PPHLN1: variants seen among roughly 807,000 people sequenced by gnomAD.
The protein encoded by PPHLN1 is periphilin-1.
In PPHLN1, 29 loss-of-function variants were observed where a neutral mutation model predicts 51.3. The ratio of observed to expected loss-of-function variants is 0.57; its 90% CI spans 0.42 to 0.77. PPHLN1 has a LOEUF of 0.77. Ranked by LOEUF, PPHLN1 falls within the 30% of genes least tolerant of loss-of-function variation. PPHLN1 has a pLI of 0.00. For synonymous variants in PPHLN1, 147 were observed against 147.8 expected (o/e 0.99, Z 0.04); for missense variants, 436 against 438.4 (o/e 0.99, Z 0.05).
rs759513886 is a variant in PPHLN1 at position 42,384,998 on chromosome 12, T to C, written c.568+2T>C. 1.9e-6 allele frequency: 3 copies of C among 1,604,038 alleles called. No individual in the cohort carries two copies. Among genetic ancestry groups the C allele is most frequent in the Non-Finnish European group, 2.6e-6 (3 of 1,170,926 alleles). ...AGAATGAAGGAAATCCTGAAAGAGG[T>C]GAGTTTTGAGCTAGACTCTGATTTG... On this transcript the variant is annotated splice_donor_variant, in intron 6 of 9. Transcript: ENST00000358314. LOFTEE classifies it high-confidence loss of function.
Position 42,426,211 on chromosome 12 carries a change from CACACACACACACACACA to C in PPHLN1, c.910-15103_910-15087del, listed in dbSNP as rs1566010221. On this transcript the variant is annotated intron_variant, in intron 9 of 9. Transcript: ENST00000358314. ...ACACACACACACACACACACACACA[CACACACACACACACACA>C]CCCTCATGCATTGTCTCATGGCAGT... Among the ~76,000 whole-genome samples, 104 of 144,888 alleles carry C rather than the reference CACACACACACACACACA, an allele frequency of 7.2e-4. 1 individual carries two copies. The highest frequency in any genetic ancestry group is 2.2e-3 in the African/African-American group (77 of 35,470).
At chr12:42,444,770 T>C, downstream of PPHLN1, 1 of 401,578 alleles carries the variant, frequency 2.5e-6, no homozygotes, top group Admixed American at 4.2e-5. Flanking sequence ...CCCTTCCTGC[T>C]GACAAACTAC....
intron 7 of PPHLN1, among the ~76,000 whole-genome samples, chr12:42,388,295 A>G (rs969059700): frequency 2.0e-5 from 3 of 152,150 alleles, no homozygotes; most frequent in Non-Finnish European, 4.4e-5. Flanking sequence ...AAACCACCCT[A>G]TGGCAGGAGG....
intron 4 of PPHLN1, among the ~76,000 whole-genome samples, chr12:42,371,943 C>T (rs892321493): frequency 3.9e-5 from 6 of 152,092 alleles, no homozygotes; most frequent in Non-Finnish European, 8.8e-5. Flanking sequence ...TCTCATCTTT[C>T]CTTAAGACCT....
chr12:42,378,044 G>A (rs1036617426), intron 5 of PPHLN1, among the ~76,000 whole-genome samples: 1 of 152,112 alleles, frequency 6.6e-6, no homozygotes, highest in Non-Finnish European at 1.5e-5. Context: ...ATGAAACAGA[G>A]CATATGACTT....
intron 4 of PPHLN1, among the ~76,000 whole-genome samples, chr12:42,374,218 G>A (rs772375756): frequency 5.9e-5 from 9 of 152,142 alleles, no homozygotes; most frequent in Non-Finnish European, 7.4e-5. Flanking sequence ...GCTGTGTGGT[G>A]TATTGTTAAT....
chr12:42,414,684 T>C (rs2080210709), intron 9 of PPHLN1, among the ~76,000 whole-genome samples: 1 of 152,058 alleles, frequency 6.6e-6, no homozygotes, highest in South Asian at 2.1e-4. Context: ...TTTGGAGGAG[T>C]CTTCAACGTT....
At chr12:42,365,012 A>G (rs1243659459) in intron 4 of PPHLN1, among the ~76,000 whole-genome samples, 1 of 152,196 alleles carries the variant, frequency 6.6e-6, no homozygotes, top group Admixed American at 6.5e-5. Flanking sequence ...AATGCTTTTA[A>G]CTGTAAACAT....
chr12:42,369,878 C>T (rs2138657138), intron 4 of PPHLN1, among the ~76,000 whole-genome samples: 1 of 152,300 alleles, frequency 6.6e-6, no homozygotes, highest in Middle Eastern at 3.4e-3. Flanking sequence ...TCCAGGAGAC[C>T]ATTCCTTCTT....
At chr12:42,379,352 T>C (rs1034777278) in intron 5 of PPHLN1, among the ~76,000 whole-genome samples, 17 of 152,038 alleles carry the variant, frequency 1.1e-4, no homozygotes. Flanking sequence ...ATCTACTTAA[T>C]ACTAGTTATT....
intron 4 of PPHLN1, among the ~76,000 whole-genome samples, chr12:42,356,332 G>A (rs576792811): frequency 1.2e-4 from 19 of 152,284 alleles, no homozygotes; most frequent in African/African-American, 3.6e-4. Flanking sequence ...ATCCCACAGG[G>A]CGATGTGATA....
intron 9 of PPHLN1, among the ~76,000 whole-genome samples, chr12:42,413,736 A>G (rs1357653612): frequency 1.3e-5 from 2 of 151,776 alleles, no homozygotes; most frequent in Non-Finnish European, 2.9e-5. Flanking sequence ...TAATTTTTGT[A>G]TTTTTAATAG....
intron 1 of PPHLN1, among the ~76,000 whole-genome samples, chr12:42,330,953 C>T (rs1309228749): frequency 6.6e-6 from 1 of 152,186 alleles, no homozygotes; most frequent in African/African-American, 2.4e-5. Flanking sequence ...TTGTGATCCG[C>T]GCGCCTCGGC....
rs113663069 is a variant in PPHLN1, at chr12:42,419,310, C to T, written c.909+20316C>T. Among the ~76,000 whole-genome samples the T allele has an allele frequency of 1.5e-3, 231 of 151,256 alleles. 2 individuals carry two copies. Among genetic ancestry groups the T allele is most frequent in the African/African-American group, 5.3e-3 (219 of 41,162 alleles). ...AGGCTGGAGTGAAGTGGTGTGATCT[C>T]GGCTCACTGCAACCTCTGCCTCCCG... On this transcript the variant is annotated intron_variant, in intron 9 of 9. Transcript: ENST00000358314.
chr12:42,380,571 T>C (rs1274520292), intron 5 of PPHLN1, among the ~76,000 whole-genome samples: 1 of 152,156 alleles, frequency 6.6e-6, no homozygotes, highest in Non-Finnish European at 1.5e-5. Flanking sequence ...TAAGAGCAGT[T>C]GGCTATGAAT....
intron 2 of PPHLN1, among the ~76,000 whole-genome samples, chr12:42,345,655 T>C (rs2072204671): frequency 6.6e-6 from 1 of 151,042 alleles, no homozygotes; most frequent in Admixed American, 6.6e-5. Context: ...ATATTTTTAA[T>C]AAATAGAAGC....
downstream of PPHLN1, chr12:42,446,212 G>C (rs1236263482): frequency 6.8e-6 from 11 of 1,612,734 alleles, no homozygotes; most frequent in African/African-American, 2.7e-5. Flanking sequence ...AGAGGATCCT[G>C]CTCCGAACAC....
At chr12:42,438,679 G>A (rs11181505) in intron 9 of PPHLN1, among the ~76,000 whole-genome samples, 24,699 of 152,028 alleles carry the variant, frequency 0.16, 2,042 homozygotes, top group Admixed American at 0.2. Context: ...TCAGCTCACC[G>A]CAACCCCTGC....
At chr12:42,385,694 C>T (rs1220740023) in intron 6 of PPHLN1, among the ~76,000 whole-genome samples, 1 of 152,096 alleles carries the variant, frequency 6.6e-6, no homozygotes, top group South Asian at 2.1e-4. Flanking sequence ...GAAGGGATTG[C>T]TTATCTGAAT....
Sources: gnomAD v4.1 joint callset for allele counts (sites outside exome capture counted in the v4.1 genomes callset) on GRCh38, gnomAD v4.1.1 for gene constraint, MANE v1.5 for transcripts, NCBI Gene and HGNC (gene_info 2026-07-23, HGNC 2026-07-21) for gene names.